CHAT: variants seen among roughly 807,000 people sequenced by gnomAD.
CHAT encodes the protein choline O-acetyltransferase, also known as acetyl CoA:choline O-acetyltransferase.
A neutral mutation model predicts 76.9 loss-of-function variants in CHAT; 61 were observed. That is an observed-to-expected ratio of 0.79 (90% confidence interval 0.65 to 0.98). The LOEUF (loss-of-function observed/expected upper bound fraction) is 0.98, where lower values mean the gene tolerates loss of function less well. Ranked by LOEUF, CHAT falls within the 50% of genes least tolerant of loss-of-function variation. The pLI is 0.00. For missense variants in CHAT, 946 were observed against 986.9 expected (o/e 0.96, Z 0.56); for synonymous variants, 407 against 397.4 (o/e 1.02, Z -0.29).
At chr10:49,611,109 G>A, upstream of CHAT, 2 of 1,614,168 alleles carry the variant, frequency 1.2e-6, no homozygotes, top group Non-Finnish European at 1.7e-6. Flanking sequence ...AAGACGTGAA[G>A]ATCGGGGTGC....
At chr10:49,652,064 G>A in intron 11 of CHAT, 58 bp downstream of exon 11, 1 of 1,612,364 alleles carries the variant, frequency 6.2e-7, no homozygotes. Context: ...AGTGCTGTAG[G>A]ATCTAGGGTC....
chr10:49,610,334 GC>G (rs979725532), upstream of CHAT: 3 of 184,282 alleles, frequency 1.6e-5, no homozygotes, highest in African/African-American at 7.1e-5. Flanking sequence ...GGGGAGGGGA[GC>G]GCAGCGGCGG....
At chr10:49,612,306 GGAC>G, upstream of CHAT, 1 of 1,607,810 alleles carries the variant, frequency 6.2e-7, no homozygotes, top group African/African-American at 1.3e-5. Flanking sequence ...ATGCGTGCGA[GGAC>G]GACTACAACT....
At chr10:49,646,041 A>AT (rs200306212) in intron 7 of CHAT, among the ~76,000 whole-genome samples, 2,345 of 152,342 alleles carry the variant, frequency 0.015, 43 homozygotes, top group African/African-American at 0.042. Flanking sequence ...CAATTTTGAA[A>AT]TTGCAGTTTA....
chr10:49,655,305 G>A, intron 12 of CHAT, 69 bp downstream of exon 12: 3 of 1,613,376 alleles, frequency 1.9e-6, no homozygotes, highest in Non-Finnish European at 2.5e-6. Context: ...GGGTTGCAGT[G>A]GGCTCGGCCC....
rs61846641 is a variant in CHAT at position 49,627,428 on chromosome 10, G to A, written c.934-180G>A. ...GTTGCCTTCTTTGATTGGGGGCAGC[G>A]TGGAATCCAGCACAGTCAACAGCCT... is the stretch of plus-strand genomic sequence containing the variant. On this transcript the variant is annotated intron_variant, in intron 6 of 14. Coordinates refer to ENST00000337653, the MANE Select transcript of CHAT (RefSeq NM_020549.5). 3.0e-3 allele frequency among the ~76,000 whole-genome samples: 455 copies of A among 152,256 alleles called. 2 individuals carry two copies. Among genetic ancestry groups the A allele is most frequent in the Non-Finnish European group, 4.9e-3 (333 of 68,022 alleles).
At chr10:49,628,128 TG>T (rs1362537816) in intron 7 of CHAT, among the ~76,000 whole-genome samples, 4 of 151,880 alleles carry the variant, frequency 2.6e-5, no homozygotes, top group African/African-American at 9.7e-5. Flanking sequence ...TGATAGTGGC[TG>T]GGGGAGTCGC....
At chr10:49,642,209 G>A (rs550991329) in intron 7 of CHAT, among the ~76,000 whole-genome samples, 2 of 152,330 alleles carry the variant, frequency 1.3e-5, no homozygotes, top group East Asian at 1.9e-4. Flanking sequence ...CCTGCCGTGC[G>A]CCTTCAGCCC....
rs916402621 is a variant in CHAT at position 49,614,414 on chromosome 10, C to G, written c.225C>G (p.Pro75=). ...CCCCACCCCTTCCGGCTCACACCCC[C>G]GCCCACACTCCTGAGTGGTGCGGTG... is the stretch of plus-strand genomic sequence containing the variant. ...TRPPPLPAHT[P]AHTPEWCGAA... Residue 75 remains proline (P), a synonymous_variant, in exon 1 of 15, where the codon CCC becomes CCG. Transcript: ENST00000337653. 6.5e-7 allele frequency: 1 copy of G among 1,547,376 alleles called. No individual in the cohort carries two copies. Among genetic ancestry groups the G allele is most frequent in the Admixed American group, 2.0e-5 (1 of 50,990 alleles).
upstream of CHAT, chr10:49,610,163 G>T (rs549481212): frequency 0.018 from 2,677 of 152,168 alleles, 37 homozygotes; most frequent in Non-Finnish European, 0.028. Flanking sequence ...ACCCCTGCCC[G>T]GCCACGCCCC....
At position 49,614,489 on chromosome 10, in the gene CHAT, C is replaced by T. The variant is rs1838407439; in HGVS notation, c.286+14C>T. On this transcript the variant is annotated intron_variant, in intron 1 of 14. Coordinates refer to ENST00000337653, the MANE Select transcript of CHAT (RefSeq NM_020549.5). ...CGAGGAGAGCAGGTGAGAAGAAGGG[C>T]TGGGCTGGGCTGGCGGAGCGCGGTG... 6.8e-7 allele frequency: 1 copy of T among 1,473,908 alleles called. No homozygotes were observed. Among genetic ancestry groups the T allele is most frequent in the African/African-American group, 1.4e-5 (1 of 70,286 alleles). 91.3% of individuals were successfully genotyped at this position (1,473,908 alleles called of 1,614,324 possible).
chr10:49,645,104 G>C (rs997119161), intron 7 of CHAT, among the ~76,000 whole-genome samples: 5 of 152,192 alleles, frequency 3.3e-5, no homozygotes, highest in Non-Finnish European at 7.3e-5. Context: ...ACCCCTAGCT[G>C]TAAGGGAGGC....
chr10:49,622,580 C>G (rs1838769289), intron 5 of CHAT, among the ~76,000 whole-genome samples: 1 of 152,154 alleles, frequency 6.6e-6, no homozygotes. Flanking sequence ...TGAGGCTGTT[C>G]TGACAGATGG....
chr10:49,616,195 C>G, intron 1 of CHAT: 1 of 1,190,092 alleles, frequency 8.4e-7, no homozygotes, highest in Non-Finnish European at 1.3e-6. Context: ...ACTCTGCCAG[C>G]AACCCCTGGT....
intron 7 of CHAT, among the ~76,000 whole-genome samples, chr10:49,637,175 T>G (rs1443281811): frequency 5.3e-5 from 8 of 152,202 alleles, no homozygotes; most frequent in Admixed American, 5.2e-4. Flanking sequence ...TTGCTTGCTT[T>G]GGGTTTTTTT....
At position 49,627,722 on chromosome 10, in the gene CHAT, A is replaced by C. The variant is rs1411738057; in HGVS notation, c.1048A>C (p.Ile350Leu). ...ASNEDERLPP[I>L]GLLTSDGRSE... ...CAACGAGGACGAGCGTTTGCCTCCA[A>C]TTGGCCTGCTGACGTCTGACGGGAG... Residue 350 changes from isoleucine to leucine, a missense_variant, in exon 7 of 15, where the codon ATT (isoleucine) becomes CTT (leucine). By Grantham distance (5) the Ile-to-Leu change is conservative. Coordinates refer to ENST00000337653, the MANE Select transcript of CHAT (RefSeq NM_020549.5). The C allele has an allele frequency of 4.3e-6, 7 of 1,614,112 alleles. No individual in the cohort carries two copies. The highest frequency in any genetic ancestry group is 8.5e-7 in the Non-Finnish European group (1 of 1,179,956).
chr10:49,629,383 G>C (rs1301797852), intron 7 of CHAT, among the ~76,000 whole-genome samples: 3 of 152,228 alleles, frequency 2.0e-5, no homozygotes, highest in Non-Finnish European at 4.4e-5. Flanking sequence ...GAGCCAAAGA[G>C]GGGTGTGAGA....
upstream of CHAT, chr10:49,610,960 A>G (rs1838277540): frequency 1.2e-6 from 2 of 1,610,512 alleles, no homozygotes; most frequent in African/African-American, 2.7e-5. Context: ...CCCCACCCGG[A>G]CTCCCGAGGT....
chr10:49,645,510 T>C (rs1839630159), intron 7 of CHAT, among the ~76,000 whole-genome samples: 1 of 152,134 alleles, frequency 6.6e-6, no homozygotes, highest in Non-Finnish European at 1.5e-5. Context: ...GTCAGCACAA[T>C]AGACTCCTGT....
Sources: gnomAD v4.1 joint callset for allele counts (sites outside exome capture counted in the v4.1 genomes callset) on GRCh38, gnomAD v4.1.1 for gene constraint, MANE v1.5 for transcripts, NCBI Gene and HGNC (gene_info 2026-07-23, HGNC 2026-07-21) for gene names.